CR1L: variants seen among roughly 807,000 people sequenced by gnomAD.
CR1L encodes the protein complement C3b/C4b receptor 1 like.
A neutral mutation model predicts 62.3 loss-of-function variants in CR1L; 59 were observed. The observed-to-expected ratio is 0.95, with a 90% CI of 0.77 to 1.18. The LOEUF (loss-of-function observed/expected upper bound fraction) is 1.18, where lower values mean the gene tolerates loss of function less well. Ranked by LOEUF, CR1L falls within the 50% of genes most tolerant of loss-of-function variation. The pLI is 0.00. For missense variants in CR1L, 700 were observed against 702.8 expected, an observed-to-expected ratio of 1.00 and a Z score of 0.04; for synonymous variants, 279 against 248.7, an observed-to-expected ratio of 1.12 and a Z score of -1.15.
chr1:207,704,731 C>T (rs1664244050), intron 9 of CR1L, among the ~76,000 whole-genome samples: 2 of 152,136 alleles, frequency 1.3e-5, no homozygotes, highest in Non-Finnish European at 2.9e-5. Flanking sequence ...ACCAATAAAC[C>T]ATTTTTTAAA....
intron 1 of CR1L, among the ~76,000 whole-genome samples, chr1:207,671,264 A>G (rs1330195921): frequency 6.6e-6 from 1 of 151,034 alleles, no homozygotes. Context: ...AAAAACCATG[A>G]CTAAGCAGTC....
At chr1:207,665,815 C>G (rs1350476713) in intron 1 of CR1L, among the ~76,000 whole-genome samples, 1 of 152,132 alleles carries the variant, frequency 6.6e-6, no homozygotes, top group Non-Finnish European at 1.5e-5. Flanking sequence ...ACACACGTAG[C>G]CTTTGGAACA....
rs368613896 is a variant in CR1L, at chr1:207,694,370, C to A, written c.481C>A (p.Pro161Thr). 11 of 1,613,586 alleles carry A rather than the reference C, an allele frequency of 6.8e-6. No individual in the cohort carries two copies. The highest frequency in any genetic ancestry group is 2.2e-5 in the East Asian group (1 of 44,900). ...TTTCCCAGGAATTATTTGTGGGCTA[C>A]CCCCCACCATCGCCAATGGAGATTT... ...PVCDRIICGL[P>T]PTIANGDFTS... Residue 161 changes from proline (P) to threonine (T), a missense_variant, in exon 5 of 12, where the codon CCC (proline) becomes ACC (threonine). Pro to Thr is a conservative substitution (Grantham distance 38). Transcript: ENST00000508064.
In CR1L at chr1:207,701,651, G is replaced by C. The variant is rs760038022; in HGVS notation, c.1328+33G>C. ...GGCAGCAACATCTCTTGGTTCCAGA[G>C]TTCCAGCACAGCAATACTACCTTCT... On this transcript the variant is annotated intron_variant, in intron 9 of 11. Coordinates refer to ENST00000508064, the MANE Select transcript of CR1L (RefSeq NM_175710.2). The C allele has an allele frequency of 2.7e-5, 44 of 1,612,954 alleles. No homozygotes were observed. In the Admixed American group the frequency reaches 7.3e-4, roughly 27 times the overall value.
chr1:207,709,990 T>C (rs1664327862), intron 10 of CR1L, among the ~76,000 whole-genome samples: 1 of 152,198 alleles, frequency 6.6e-6, no homozygotes, highest in African/African-American at 2.4e-5. Context: ...TTGTGAATAT[T>C]TACTTCCGGT....
Position 207,657,559 on chromosome 1 carries a change from A to T in CR1L, c.97+12229A>T, listed in dbSNP as rs538476270. 17 of 249,964 alleles carry T rather than the reference A, an allele frequency of 6.8e-5. No homozygotes were observed. The South Asian group carries it at 2.1e-3, about 30-fold the overall frequency. The allele number at this position is 249,964 out of a possible 1,614,324, so 15.5% of individuals were successfully genotyped here. On this transcript the variant is annotated intron_variant, in intron 1 of 11. Coordinates refer to ENST00000508064, the MANE Select transcript of CR1L (RefSeq NM_175710.2). ...CAGTGTGAACTACTGTGTAATCTGCATGAGTTAGAAGTTTTTGTTTGAAAG... is the reference window on the plus strand; with the variant it reads ...CAGTGTGAACTACTGTGTAATCTGCTTGAGTTAGAAGTTTTTGTTTGAAAG...
At chr1:207,682,545 G>A (rs1173493022) in intron 3 of CR1L, among the ~76,000 whole-genome samples, 1 of 152,174 alleles carries the variant, frequency 6.6e-6, no homozygotes, top group Non-Finnish European at 1.5e-5. Context: ...GTAACAATGT[G>A]TCAAGTGTCT....
intron 8 of CR1L, among the ~76,000 whole-genome samples, chr1:207,700,383 T>C (rs984001400): frequency 1.3e-5 from 2 of 152,228 alleles, no homozygotes; most frequent in African/African-American, 2.4e-5. Flanking sequence ...CTTTCTCTTA[T>C]TTTTCATAAC....
intron 10 of CR1L, among the ~76,000 whole-genome samples, chr1:207,713,133 C>A (rs1298766204): frequency 3.9e-5 from 6 of 152,160 alleles, no homozygotes; most frequent in African/African-American, 7.2e-5. Flanking sequence ...ATGGCACATA[C>A]AACTCAATAT....
chr1:207,696,582 G>A (rs1664104355), intron 5 of CR1L, among the ~76,000 whole-genome samples: 1 of 152,098 alleles, frequency 6.6e-6, no homozygotes, highest in South Asian at 2.1e-4. Context: ...CCCTGAAAAT[G>A]GACATTACAG....
intron 1 of CR1L, among the ~76,000 whole-genome samples, chr1:207,649,944 A>C (rs1011672903): frequency 4.6e-5 from 7 of 152,200 alleles, no homozygotes; most frequent in Non-Finnish European, 1.5e-5. Context: ...TTGAATGAAA[A>C]GTAAAGGATA....
At chr1:207,707,340 T>A (rs1664282619) in intron 9 of CR1L, among the ~76,000 whole-genome samples, 1 of 152,204 alleles carries the variant, frequency 6.6e-6, no homozygotes, top group African/African-American at 2.4e-5. Context: ...GAAAGAATTA[T>A]GACAAGGCCG....
chr1:207,681,369 T>C (rs1663793775), intron 3 of CR1L, among the ~76,000 whole-genome samples: 1 of 152,194 alleles, frequency 6.6e-6, no homozygotes, highest in South Asian at 2.1e-4. Flanking sequence ...TAGGGTAGGA[T>C]GTAAAGGCTT....
chr1:207,714,318 A>G (rs868475519), intron 10 of CR1L, among the ~76,000 whole-genome samples: 1 of 152,244 alleles, frequency 6.6e-6, no homozygotes, highest in South Asian at 2.1e-4. Context: ...ACAACAGTGC[A>G]AAAAACCAAT....
chr1:207,694,830 G>A, intron 5 of CR1L, 79 bp downstream of exon 5: 14 of 1,605,092 alleles, frequency 8.7e-6, no homozygotes, highest in Non-Finnish European at 1.1e-5. Flanking sequence ...ATTTGTTCAG[G>A]GGGAGGGATT....
At chr1:207,674,013 G>T (rs1201427524) in intron 1 of CR1L, among the ~76,000 whole-genome samples, 1 of 152,188 alleles carries the variant, frequency 6.6e-6, no homozygotes, top group Non-Finnish European at 1.5e-5. Flanking sequence ...TATATGTGCA[G>T]CAACCTAGAT....
At chr1:207,680,128 C>T (rs1038639611) in intron 3 of CR1L, among the ~76,000 whole-genome samples, 3 of 152,100 alleles carry the variant, frequency 2.0e-5, no homozygotes, top group African/African-American at 7.2e-5. Context: ...GATGTGTCAG[C>T]GTAGGTTCAT....
chr1:207,693,319 T>C (rs1213509936), intron 4 of CR1L, among the ~76,000 whole-genome samples: 3 of 152,230 alleles, frequency 2.0e-5, no homozygotes, highest in African/African-American at 7.2e-5. Flanking sequence ...GGTTTCAACA[T>C]GTTGGCCAGG....
At chr1:207,714,421 C>T in intron 10 of CR1L, among the ~76,000 whole-genome samples, 1 of 152,146 alleles carries the variant, frequency 6.6e-6, no homozygotes, top group East Asian at 1.9e-4. Context: ...CAAGCCAGTC[C>T]ATGGATTTAC....
Sources: gnomAD v4.1 joint callset for allele counts (sites outside exome capture counted in the v4.1 genomes callset) on GRCh38, gnomAD v4.1.1 for gene constraint, MANE v1.5 for transcripts, NCBI Gene and HGNC (gene_info 2026-07-23, HGNC 2026-07-21) for gene names.